Variants in PDE10A observed in about 807,000 individuals in gnomAD.
PDE10A encodes phosphodiesterase 10A.
In PDE10A, 39 loss-of-function variants were observed where a neutral mutation model predicts 97.7. That is an observed-to-expected ratio of 0.40 (90% CI 0.31 to 0.52). PDE10A has a LOEUF of 0.52. PDE10A is among the 20% of genes least tolerant of loss of function. The pLI is 0.56. For synonymous variants in PDE10A, 371 were observed against 376.8 expected (o/e 0.98, Z 0.18); for missense variants, 731 against 1,047.8 (o/e 0.70, Z 4.17).
At chr6:165,692,707 G>A (rs1258932194) in intron 1 of PDE10A, among the ~76,000 whole-genome samples, 2 of 152,172 alleles carry the variant, frequency 1.3e-5, no homozygotes, top group African/African-American at 4.8e-5. Flanking sequence ...GCTAACCTTA[G>A]ACAGCAGGTT....
chr6:165,600,897 A>C (rs1384800459), intron 1 of PDE10A, among the ~76,000 whole-genome samples: 38 of 152,218 alleles, frequency 2.5e-4, no homozygotes, highest in Admixed American at 2.5e-3. Flanking sequence ...CTGACTCACA[A>C]ATAAGCACCA....
intron 1 of PDE10A, among the ~76,000 whole-genome samples, chr6:165,868,136 C>T (rs1781108469): frequency 6.6e-6 from 1 of 151,786 alleles, no homozygotes; most frequent in Admixed American, 6.6e-5. Context: ...ACAAACCAAA[C>T]CCAAAATTGG....
intron 1 of PDE10A, among the ~76,000 whole-genome samples, chr6:165,630,667 T>C (rs1788587957): frequency 6.6e-6 from 1 of 152,130 alleles, no homozygotes; most frequent in South Asian, 2.1e-4. Flanking sequence ...ACACGGCATA[T>C]TTGGAAAAGA....
At chr6:165,538,359 G>A (rs1783224496) in intron 2 of PDE10A, among the ~76,000 whole-genome samples, 2 of 151,954 alleles carry the variant, frequency 1.3e-5, no homozygotes, top group Admixed American at 6.5e-5. Context: ...GATACGGTCG[G>A]CTATTGAATA....
At chr6:165,931,990 G>A (rs551327849) in intron 1 of PDE10A, among the ~76,000 whole-genome samples, 2 of 152,314 alleles carry the variant, frequency 1.3e-5, no homozygotes, top group South Asian at 2.1e-4. Context: ...GTCCCCTCAC[G>A]AGGCAGGTGA....
intron 2 of PDE10A, among the ~76,000 whole-genome samples, chr6:165,518,564 C>T (rs1781952240): frequency 6.6e-6 from 1 of 152,138 alleles, no homozygotes; most frequent in African/African-American, 2.4e-5. Context: ...GTCGCCCTCA[C>T]TTTACTTAAT....
rs973305948 is a variant in PDE10A, at chr6:165,602,404, G to A, written c.866-58836C>T. 2.8e-4 allele frequency among the ~76,000 whole-genome samples: 42 copies of A among 152,210 alleles called. 1 individual carries two copies. The highest frequency in any genetic ancestry group is 6.5e-5 in the Admixed American group (1 of 15,288). ...CCTTCGGTCTCTCTCGGGGAACTTC[G>A]ATTCTAGAGAAAGAAATGTAGCACC... is the stretch of plus-strand genomic sequence containing the variant. On this transcript the variant is annotated intron_variant, in intron 1 of 21. Coordinates refer to ENST00000539869, the MANE Select transcript of PDE10A (RefSeq NM_001385079.1).
At chr6:165,967,090 T>C (rs538436603) in intron 1 of PDE10A, among the ~76,000 whole-genome samples, 1 of 152,294 alleles carries the variant, frequency 6.6e-6, no homozygotes, top group Admixed American at 6.5e-5. Flanking sequence ...GCTTGCCGTA[T>C]ATGGAAGGGT....
intron 18 of PDE10A, among the ~76,000 whole-genome samples, chr6:165,346,727 C>T (rs994804855): frequency 2.6e-5 from 4 of 152,170 alleles, no homozygotes; most frequent in African/African-American, 4.8e-5. Flanking sequence ...CACAATCCCA[C>T]GCCACACACT....
intron 1 of PDE10A, among the ~76,000 whole-genome samples, chr6:165,927,535 G>T (rs1395965945): frequency 6.6e-6 from 1 of 151,100 alleles, no homozygotes; most frequent in African/African-American, 2.4e-5. Context: ...ATACGCAAAG[G>T]TATTTTATGT....
At chr6:165,440,201 T>C (rs1358772110) in intron 5 of PDE10A, among the ~76,000 whole-genome samples, 1 of 152,238 alleles carries the variant, frequency 6.6e-6, no homozygotes, top group South Asian at 2.1e-4. Flanking sequence ...TATGGATGAC[T>C]AACTTTGTTT....
At chr6:165,859,006 T>C (rs1780826394) in intron 1 of PDE10A, among the ~76,000 whole-genome samples, 1 of 152,240 alleles carries the variant, frequency 6.6e-6, no homozygotes, top group South Asian at 2.1e-4. Flanking sequence ...AGTTCTGTTC[T>C]GTAAACTCAC....
intron 1 of PDE10A, among the ~76,000 whole-genome samples, chr6:165,745,308 A>G (rs1792819100): frequency 6.6e-6 from 1 of 152,092 alleles, no homozygotes; most frequent in East Asian, 1.9e-4. Flanking sequence ...CACACTTATC[A>G]CAAATATTTA....
At chr6:165,513,086 T>C (rs568201732) in intron 2 of PDE10A, among the ~76,000 whole-genome samples, 9 of 152,132 alleles carry the variant, frequency 5.9e-5, no homozygotes, top group African/African-American at 2.2e-4. Flanking sequence ...TTTTTTAAAA[T>C]TTTTTGGACT....
At chr6:165,532,351 T>C (rs1782831611) in intron 2 of PDE10A, among the ~76,000 whole-genome samples, 1 of 151,310 alleles carries the variant, frequency 6.6e-6, no homozygotes, top group South Asian at 2.1e-4. Flanking sequence ...TGCGTAACGC[T>C]TGCTAAGCAT....
chr6:165,449,298 T>A (rs1791106086), intron 4 of PDE10A, among the ~76,000 whole-genome samples: 1 of 152,268 alleles, frequency 6.6e-6, no homozygotes, highest in African/African-American at 2.4e-5. Context: ...GAATTGTGTT[T>A]AATTTTTTAA....
intron 1 of PDE10A, chr6:165,987,503 A>C (rs1277569678): frequency 5.6e-6 from 2 of 356,414 alleles, no homozygotes; most frequent in Admixed American, 3.8e-5. Context: ...AGGGTTAAAT[A>C]ATAGGTAAAA....
At chr6:165,915,727 T>A (rs1782588136) in intron 1 of PDE10A, among the ~76,000 whole-genome samples, 1 of 152,174 alleles carries the variant, frequency 6.6e-6, no homozygotes, top group Non-Finnish European at 1.5e-5. Context: ...GTCCTCTGCT[T>A]TTGCTTTCCA....
At chr6:165,622,406 A>C (rs1310178701) in intron 1 of PDE10A, among the ~76,000 whole-genome samples, 1 of 152,206 alleles carries the variant, frequency 6.6e-6, no homozygotes, top group Non-Finnish European at 1.5e-5. Context: ...CATATGGTCC[A>C]GCCTACTACA....
Sources: gnomAD v4.1 joint callset for allele counts (sites outside exome capture counted in the v4.1 genomes callset) on GRCh38, gnomAD v4.1.1 for gene constraint, MANE v1.5 for transcripts, NCBI Gene and HGNC (gene_info 2026-07-23, HGNC 2026-07-21) for gene names.